The following PALS1 variants were observed in gnomAD, a reference collection of about 807,000 sequenced individuals.
PALS1 encodes the protein protein PALS1.
A neutral mutation model predicts 78.9 loss-of-function variants in PALS1; 31 were observed. That is an observed-to-expected ratio of 0.39 (90% CI 0.30 to 0.53). The LOEUF (loss-of-function observed/expected upper bound fraction) is 0.53. Ranked by LOEUF, PALS1 falls within the 20% of genes least tolerant of loss-of-function variation. The pLI is 0.67. For missense variants in PALS1, 704 were observed against 826.5 expected (o/e 0.85, Z 1.82); for synonymous variants, 276 against 270.9 (o/e 1.02, Z -0.18).
intron 8 of PALS1, among the ~76,000 whole-genome samples, chr14:67,308,679 G>A (rs1452486776): frequency 6.6e-6 from 1 of 151,274 alleles, no homozygotes; most frequent in African/African-American, 2.4e-5. Flanking sequence ...CCAAGTAGCT[G>A]GGATTACAGC....
chr14:67,310,028 C>A, intron 8 of PALS1, among the ~76,000 whole-genome samples: 1 of 129,586 alleles, frequency 7.7e-6, no homozygotes. Context: ...CAAACAGATT[C>A]TAGAAGTATT....
chr14:67,261,921 T>C (rs927224234), intron 1 of PALS1, among the ~76,000 whole-genome samples: 6 of 152,142 alleles, frequency 3.9e-5, no homozygotes, highest in African/African-American at 1.4e-4. Flanking sequence ...AGATAAATTT[T>C]CTCTGATCAT....
At position 67,317,445 on chromosome 14, in the gene PALS1, GA is replaced by G; in HGVS notation, c.1340del (p.Lys447ArgfsTer18). On this transcript the variant is annotated frameshift_variant, in exon 11 of 15. Transcript: ENST00000261681. LOFTEE classifies it high-confidence loss of function. The stretch of plus-strand genomic sequence containing the variant: ...GTGCAAAGAAGAATAAAAAGAAGAG[GA>G]AAAAGGTTTTATATAATGCCAATAA... ...WCAKKNKKKR[K>X]KVLYNANKND... 6.2e-7 allele frequency: 1 copy of G among 1,611,692 alleles called. No individual in the cohort carries two copies.
chr14:67,264,313 A>G (rs1441882024), intron 1 of PALS1, among the ~76,000 whole-genome samples: 5 of 152,218 alleles, frequency 3.3e-5, no homozygotes, highest in Non-Finnish European at 7.3e-5. Flanking sequence ...TTGAGTACAT[A>G]GTGAGAATCA....
intron 14 of PALS1, among the ~76,000 whole-genome samples, chr14:67,325,263 T>A (rs2085334891): frequency 1.3e-5 from 2 of 152,136 alleles, no homozygotes; most frequent in Non-Finnish European, 2.9e-5. Context: ...CTCTTCACCC[T>A]CCAAAATATC....
At chr14:67,328,201 G>A (rs952579371) in intron 14 of PALS1, among the ~76,000 whole-genome samples, 3 of 152,208 alleles carry the variant, frequency 2.0e-5, no homozygotes, top group Non-Finnish European at 4.4e-5. Context: ...GTATCTCATT[G>A]TGGTTTTGAT....
intron 1 of PALS1, among the ~76,000 whole-genome samples, chr14:67,250,225 C>T (rs2084046835): frequency 6.6e-6 from 1 of 152,184 alleles, no homozygotes; most frequent in South Asian, 2.1e-4. Flanking sequence ...TCCATACCCT[C>T]CTACTGGCAA....
intron 4 of PALS1, among the ~76,000 whole-genome samples, chr14:67,300,477 G>A (rs754555458): frequency 9.9e-5 from 15 of 151,944 alleles, no homozygotes; most frequent in Admixed American, 2.0e-4. Flanking sequence ...ACAGGCACAC[G>A]CCACCACGCC....
At chr14:67,255,827 G>A (rs1210940016) in intron 1 of PALS1, among the ~76,000 whole-genome samples, 1 of 152,098 alleles carries the variant, frequency 6.6e-6, no homozygotes, top group Admixed American at 6.6e-5. Context: ...AGCTGGGATT[G>A]CAGGCACCTG....
intron 11 of PALS1, among the ~76,000 whole-genome samples, chr14:67,319,175 G>C (rs540772200): frequency 6.6e-6 from 1 of 152,292 alleles, no homozygotes; most frequent in South Asian, 2.1e-4. Flanking sequence ...TCTGTGCCAG[G>C]CTCTGTGCTG....
intron 14 of PALS1, among the ~76,000 whole-genome samples, chr14:67,330,455 A>ATTTTTT (rs533831095): frequency 1.7e-5 from 2 of 117,776 alleles, no homozygotes; most frequent in Non-Finnish European, 3.6e-5. Flanking sequence ...ATTTCCCTTC[A>ATTTTTT]TTTTTTTTTT....
At chr14:67,283,436 G>A (rs1013684926) in intron 3 of PALS1, among the ~76,000 whole-genome samples, 50 of 152,144 alleles carry the variant, frequency 3.3e-4, no homozygotes, top group African/African-American at 1.1e-3. Flanking sequence ...TTGGCTTTAA[G>A]ATAAAGTTTA....
At chr14:67,314,382 A>G (rs2085137620) in intron 9 of PALS1, among the ~76,000 whole-genome samples, 1 of 152,226 alleles carries the variant, frequency 6.6e-6, no homozygotes, top group South Asian at 2.1e-4. Flanking sequence ...TTTGAGTATA[A>G]GGTCACAGAA....
chr14:67,325,870 G>A (rs959798735), intron 14 of PALS1, among the ~76,000 whole-genome samples: 14 of 150,706 alleles, frequency 9.3e-5, no homozygotes, highest in South Asian at 2.1e-4. Flanking sequence ...ATGCAGTGGC[G>A]TAATCTTGGC....
In PALS1 at chr14:67,320,382, G is replaced by C. The variant is rs768642042; in HGVS notation, c.1522G>C (p.Ala508Pro). The change falls in exon 12 of 15, where the codon GCA (alanine) becomes CCA (proline). Residue 508 changes from alanine (A) to proline (P), a missense_variant. Coordinates refer to ENST00000261681, the MANE Select transcript of PALS1 (RefSeq NM_022474.4). ...CATGAACAAAGAAAAGGACCGCTTT[G>C]CATCTGCAGTTCCTCGTAAGTTTGA... ...RLMNKEKDRF[A>P]SAVPHTTRSR... The C allele has an allele frequency of 6.2e-7, 1 of 1,606,044 alleles. No individual in the cohort carries two copies. The highest frequency in any genetic ancestry group is 1.7e-5 in the Admixed American group (1 of 58,432).
intron 9 of PALS1, among the ~76,000 whole-genome samples, chr14:67,313,466 A>G (rs961161795): frequency 2.6e-5 from 4 of 152,138 alleles, no homozygotes. Flanking sequence ...GTTGACTGAA[A>G]TGTTGTTATG....
chr14:67,309,738 G>A (rs2085059637), intron 8 of PALS1, among the ~76,000 whole-genome samples: 1 of 152,242 alleles, frequency 6.6e-6, no homozygotes, highest in Admixed American at 6.5e-5. Context: ...AATTACCCAA[G>A]GAACCTGATT....
In PALS1 at chr14:67,332,904, T is replaced by C. The variant is rs766419628; in HGVS notation, c.1976T>C (p.Ile659Thr). The stretch of plus-strand genomic sequence containing the variant: ...GCCTATCAGGAATTGCTTAGGTTAA[T>C]TAACAAACTTGATACTGAACCTCAG... Reference protein sequence around the residue: ...DKAYQELLRLINKLDTEPQWV... With the variant: ...DKAYQELLRLTNKLDTEPQWV... The change falls in exon 15 of 15, where the codon ATT becomes ACT. Residue 659 changes from isoleucine (I) to threonine (T), a missense_variant. Coordinates refer to ENST00000261681, the MANE Select transcript of PALS1 (RefSeq NM_022474.4). The C allele has an allele frequency of 2.5e-6, 4 of 1,614,018 alleles. No homozygotes were observed. The East Asian group carries it at 8.9e-5, about 36-fold the overall frequency.
At chr14:67,325,398 T>A (rs2085337270) in intron 14 of PALS1, among the ~76,000 whole-genome samples, 1 of 152,188 alleles carries the variant, frequency 6.6e-6, no homozygotes, top group South Asian at 2.1e-4. Context: ...GTAGGCTAGC[T>A]GGTTAAAGTA....
Sources: allele counts gnomAD v4.1 joint callset (sites outside exome capture counted in the v4.1 genomes callset), GRCh38; gene constraint gnomAD v4.1.1; transcripts MANE v1.5; gene names NCBI Gene and HGNC (gene_info 2026-07-23, HGNC 2026-07-21).